The following CACNA1I variants were observed in gnomAD, a reference collection of about 807,000 sequenced individuals.
CACNA1I encodes calcium voltage-gated channel subunit alpha1 I, also known as voltage-dependent T-type calcium channel subunit alpha-1I.
CACNA1I carries 74 observed loss-of-function variants against 201.6 expected under a neutral mutation model. The ratio of observed to expected loss-of-function variants is 0.37; its 90% CI spans 0.30 to 0.45. The LOEUF is 0.45. CACNA1I is among the 20% of genes least tolerant of loss of function. The probability of loss-of-function intolerance (pLI) is 1.00; values close to 1 mark genes in which losing one functional copy is unlikely to be tolerated. For missense variants in CACNA1I, 2,346 were observed against 3,138.1 expected, an observed-to-expected ratio of 0.75 and a Z score of 6.03; for synonymous variants, 1,431 against 1,345.2, an observed-to-expected ratio of 1.06 and a Z score of -1.40.
In CACNA1I at chr22:39,635,544, G is replaced by T. The variant is rs73885295; in HGVS notation, c.740+820G>T. Among the ~76,000 whole-genome samples the T allele has an allele frequency of 3.6e-3, 542 of 152,324 alleles. 5 individuals carry two copies. The highest frequency in any genetic ancestry group is 0.012 in the African/African-American group (507 of 41,562). On this transcript the variant is annotated intron_variant, in intron 5 of 36. Coordinates refer to ENST00000402142, the MANE Select transcript of CACNA1I (RefSeq NM_021096.4). ...AGGGTAGCAGAGCTGGAGGGTGAAA[G>T]TTGGGTAGGAACTGGCCCATCCACC...
chr22:39,628,858 G>A (rs1047464999), intron 4 of CACNA1I, among the ~76,000 whole-genome samples: 17 of 152,168 alleles, frequency 1.1e-4, no homozygotes, highest in Admixed American at 3.3e-4. Flanking sequence ...TCTGGGCCAC[G>A]GGCTGTGCCC....
chr22:39,610,802 G>T (rs1410578387), intron 3 of CACNA1I, among the ~76,000 whole-genome samples: 1 of 152,116 alleles, frequency 6.6e-6, no homozygotes, highest in East Asian at 1.9e-4. Flanking sequence ...CAGGGTGGTG[G>T]CAGGCAGCTC....
chr22:39,571,680 C>T (rs957319671), intron 1 of CACNA1I, among the ~76,000 whole-genome samples: 1 of 152,224 alleles, frequency 6.6e-6, no homozygotes, highest in Non-Finnish European at 1.5e-5. Flanking sequence ...CTTTTCCCTT[C>T]CCCCTGGACC....
chr22:39,656,996 C>T (rs1185905695), intron 10 of CACNA1I, among the ~76,000 whole-genome samples: 2 of 152,120 alleles, frequency 1.3e-5, no homozygotes, highest in African/African-American at 4.8e-5. Context: ...CTCGTAGGAG[C>T]CTTAGAGGAG....
intron 1 of CACNA1I, among the ~76,000 whole-genome samples, chr22:39,594,490 C>A (rs912484674): frequency 6.6e-6 from 1 of 152,098 alleles, no homozygotes; most frequent in Non-Finnish European, 1.5e-5. Flanking sequence ...GCCCTGGCAG[C>A]GACTGAAATT....
In CACNA1I at chr22:39,676,990, G is replaced by T. The variant is rs570000957; in HGVS notation, c.4855-351G>T. Reference sequence around the variant, plus strand: ...ACTAGCTGTGCGACTCTGGACAAGTGATGTCACCTCTCAGTCTGTCTCCTT... The same window carrying T: ...ACTAGCTGTGCGACTCTGGACAAGTTATGTCACCTCTCAGTCTGTCTCCTT... On this transcript the variant is annotated intron_variant, in intron 29 of 36. Coordinates refer to ENST00000402142, the MANE Select transcript of CACNA1I (RefSeq NM_021096.4). This position sits in a 1 kb window ranked among gnomAD's most constrained non-coding sequence, Gnocchi z 4.8. Among the ~76,000 whole-genome samples, 40 of 152,332 alleles carry T rather than the reference G, an allele frequency of 2.6e-4. No homozygotes were observed. Among genetic ancestry groups the T allele is most frequent in the Non-Finnish European group, 4.4e-4 (30 of 68,028 alleles).
chr22:39,663,007 G>A, intron 18 of CACNA1I, 131 bp downstream of exon 18: 1 of 646,882 alleles, frequency 1.5e-6, no homozygotes, highest in African/African-American at 1.8e-5. Flanking sequence ...CCCAGAGGTG[G>A]GGGTCTCCAG....
chr22:39,615,027 C>T lies in CACNA1I; in HGVS notation c.483-4283C>T, dbSNP rs117939311. On this transcript the variant is annotated intron_variant, in intron 3 of 36. Transcript: ENST00000402142. ...GTAATTAGGAATTAATTTCTCACTC[C>T]TGTAAGCGATGTCTTATTTGGGGCC... Among the ~76,000 whole-genome samples, 53 of 152,332 alleles carry T rather than the reference C, an allele frequency of 3.5e-4. 1 individual carries two copies. In the East Asian group the frequency reaches 0.01, roughly 29 times the overall value.
At chr22:39,667,236 C>T (rs1363274224) in intron 23 of CACNA1I, among the ~76,000 whole-genome samples, 1 of 152,232 alleles carries the variant, frequency 6.6e-6, no homozygotes, top group African/African-American at 2.4e-5. Context: ...TCTTCCTCTG[C>T]TTTCCCTGCT....
At chr22:39,667,220 AG>A (rs920816465) in intron 23 of CACNA1I, among the ~76,000 whole-genome samples, 2 of 152,212 alleles carry the variant, frequency 1.3e-5, no homozygotes, top group Non-Finnish European at 2.9e-5. Flanking sequence ...TGCCCTTGGC[AG>A]GGGGTCTTCC....
In CACNA1I at chr22:39,635,134, G is replaced by A. The variant is rs533957290; in HGVS notation, c.740+410G>A. Among the ~76,000 whole-genome samples, 11 of 152,314 alleles carry A rather than the reference G, an allele frequency of 7.2e-5. No homozygotes were observed. In the East Asian group the frequency reaches 1.5e-3, roughly 21 times the overall value. On this transcript the variant is annotated intron_variant, in intron 5 of 36. Coordinates refer to ENST00000402142, the MANE Select transcript of CACNA1I (RefSeq NM_021096.4). ...GAAAAATTGGACACCTATAGAACCC[G>A]TGCTTCCGTAGTGGTGGGGGATAAG...
chr22:39,661,474 G>A (rs761849170), intron 16 of CACNA1I, among the ~76,000 whole-genome samples, 164 bp downstream of exon 16: 55 of 152,334 alleles, frequency 3.6e-4, no homozygotes, highest in South Asian at 2.1e-3. Flanking sequence ...GCCAGAGTGG[G>A]ACCTGGCAAT....
intron 1 of CACNA1I, 53 bp from the exon 2 acceptor site, chr22:39,598,098 C>G: frequency 9.0e-7 from 1 of 1,107,928 alleles, no homozygotes; most frequent in Non-Finnish European, 1.3e-6. Flanking sequence ...AGGGTGCACC[C>G]CAGCCCCCAC....
At chr22:39,589,804 G>C (rs997348858) in intron 1 of CACNA1I, among the ~76,000 whole-genome samples, 2 of 152,134 alleles carry the variant, frequency 1.3e-5, no homozygotes, top group African/African-American at 2.4e-5. Flanking sequence ...GTAGGTGCTG[G>C]TCCACCTTCC....
chr22:39,679,157 G>A lies in CACNA1I; in HGVS notation c.5106G>A (p.Leu1702=), dbSNP rs772796213. Residue 1702 remains leucine, a synonymous_variant, in exon 32 of 37, where the codon CTG becomes CTA. Transcript: ENST00000402142. ...THDERSCLSS[L]QFVSPLYFVS... The stretch of plus-strand genomic sequence containing the variant: ...ACGAGCGCAGCTGCCTGAGCAGCCT[G>A]CAGTTTGTGTCGCCGCTGTACTTCG... The A allele has an allele frequency of 1.9e-6, 3 of 1,593,564 alleles. No homozygotes were observed. Among genetic ancestry groups the A allele is most frequent in the South Asian group, 1.1e-5 (1 of 87,196 alleles).
intron 4 of CACNA1I, among the ~76,000 whole-genome samples, chr22:39,624,235 G>T (rs769681437): frequency 6.6e-6 from 1 of 152,054 alleles, no homozygotes; most frequent in Non-Finnish European, 1.5e-5. Context: ...TCTCCCTCCA[G>T]GTCCTCTTTG....
chr22:39,619,623 G>A (rs952469905), intron 4 of CACNA1I, among the ~76,000 whole-genome samples: 6 of 152,152 alleles, frequency 3.9e-5, no homozygotes, highest in Admixed American at 1.3e-4. Context: ...ACTGGCAGGT[G>A]GTCCCAATGC....
chr22:39,672,883 A>G, intron 27 of CACNA1I, 66 bp from the exon 28 acceptor site: 13 of 1,525,634 alleles, frequency 8.5e-6, no homozygotes, highest in Non-Finnish European at 1.2e-5. Context: ...CCCCCCACTA[A>G]GGTGTGTCTG....
chr22:39,686,224 GC>G lies in CACNA1I; in HGVS notation c.6496del (p.His2166ThrfsTer106), dbSNP rs1398984664. 4 of 1,238,782 alleles carry G rather than the reference GC, an allele frequency of 3.2e-6. No homozygotes were observed. Among genetic ancestry groups the G allele is most frequent in the Admixed American group, 8.4e-5 (2 of 23,872 alleles). The allele number at this position is 1,238,782 out of a possible 1,614,324, so 76.7% of individuals were successfully genotyped here. ...ACCAGCAGCCTGGCCGCCCCCGGCC[GC>G]CCCCACGCCGCCGCCCTGGCCCACG... ...SSTSSLAAPG[R>X]PHAAALAHGL... On this transcript the variant is annotated frameshift_variant, in exon 37 of 37. Transcript: ENST00000402142. LOFTEE classifies it low-confidence loss of function (END_TRUNC).
Sources: allele counts gnomAD v4.1 joint callset (sites outside exome capture counted in the v4.1 genomes callset), GRCh38; gene constraint gnomAD v4.1.1; non-coding constraint Gnocchi (gnomAD v3.1); transcripts MANE v1.5; gene names NCBI Gene and HGNC (gene_info 2026-07-23, HGNC 2026-07-21).